Variants in TEX9 observed in about 807,000 individuals in gnomAD.
The protein encoded by TEX9 is testis-expressed protein 9.
A neutral mutation model predicts 59.6 loss-of-function variants in TEX9; 74 were observed. That is an observed-to-expected ratio of 1.24 (90% CI 1.03 to 1.51). TEX9 has a LOEUF of 1.51. Ranked by LOEUF, TEX9 falls within the 40% of genes most tolerant of loss-of-function variation. The pLI is 0.00. For missense variants in TEX9, 522 were observed against 447.8 expected, an observed-to-expected ratio of 1.17 and a Z score of -1.49; for synonymous variants, 186 against 152.2, an observed-to-expected ratio of 1.22 and a Z score of -1.64.
At chr15:56,395,913 A>C (rs1383221291) in intron 9 of TEX9, 1 of 152,140 alleles carries the variant, frequency 6.6e-6, no homozygotes, top group East Asian at 1.9e-4. Context: ...TTTCCCCTAC[A>C]GTGGGTTGTC....
chr15:56,432,309 T>A (rs2050617405), intron 12 of TEX9, among the ~76,000 whole-genome samples: 1 of 152,188 alleles, frequency 6.6e-6, no homozygotes, highest in South Asian at 2.1e-4. Context: ...AATCAACTTA[T>A]CCATTTAGGA....
chr15:56,321,206 A>G (rs1451224711), intron 1 of TEX9, among the ~76,000 whole-genome samples: 1 of 152,214 alleles, frequency 6.6e-6, no homozygotes, highest in African/African-American at 2.4e-5. Flanking sequence ...GGCCACAGTA[A>G]CTAAGCTGGA....
At chr15:56,265,005 T>A (rs1396523892) in intron 1 of TEX9, among the ~76,000 whole-genome samples, 1 of 152,200 alleles carries the variant, frequency 6.6e-6, no homozygotes, top group African/African-American at 2.4e-5. Context: ...GTTACTTGAT[T>A]ATAGTAAATC....
At chr15:56,333,754 A>G (rs1169274287) in intron 1 of TEX9, among the ~76,000 whole-genome samples, 7 of 152,196 alleles carry the variant, frequency 4.6e-5, no homozygotes, top group Admixed American at 3.9e-4. Flanking sequence ...TGCAGATGAT[A>G]TGATCTTATA....
intron 2 of TEX9, among the ~76,000 whole-genome samples, chr15:56,372,426 A>C (rs190156476): frequency 6.6e-6 from 1 of 152,258 alleles, no homozygotes; most frequent in Admixed American, 6.5e-5. Context: ...TGTCTCCTTC[A>C]CAAAACCTCA....
chr15:56,400,496 A>G (rs2048715619), intron 9 of TEX9, among the ~76,000 whole-genome samples: 1 of 152,228 alleles, frequency 6.6e-6, no homozygotes, highest in Non-Finnish European at 1.5e-5. Flanking sequence ...GAAAAGACCA[A>G]ATCTACATTT....
At chr15:56,249,887 T>C (rs2141290058) in intron 1 of TEX9, among the ~76,000 whole-genome samples, 1 of 151,342 alleles carries the variant, frequency 6.6e-6, no homozygotes, top group Non-Finnish European at 1.5e-5. Context: ...AGGGAGATAC[T>C]CTAACCTCAT....
At chr15:56,410,593 G>T (rs762962887) in intron 9 of TEX9, among the ~76,000 whole-genome samples, 81 of 151,996 alleles carry the variant, frequency 5.3e-4, no homozygotes, top group Admixed American at 6.6e-4. Context: ...TACTCATATA[G>T]AAAACTTTAC....
chr15:56,244,190 A>G (rs2043778913), exon 1 of TEX9: 1 of 152,314 alleles, frequency 6.6e-6, no homozygotes, highest in Non-Finnish European at 1.5e-5. Flanking sequence ...CTTCAAAGCA[A>G]GTAAAGAGAA....
intron 8 of TEX9, 53 bp downstream of exon 8, chr15:56,394,300 G>T: frequency 7.0e-7 from 1 of 1,420,318 alleles, no homozygotes; most frequent in Non-Finnish European, 9.6e-7. Context: ...TATTTTAGGA[G>T]CAATTTCAAT....
chr15:56,283,303 A>G (rs1567072701), intron 1 of TEX9, among the ~76,000 whole-genome samples: 1 of 152,256 alleles, frequency 6.6e-6, no homozygotes, highest in South Asian at 2.1e-4. Context: ...TCAATGAATG[A>G]TCCTCACTAA....
intron 4 of TEX9, among the ~76,000 whole-genome samples, chr15:56,385,543 G>A (rs1188934581): frequency 3.3e-5 from 5 of 152,062 alleles, no homozygotes; most frequent in African/African-American, 1.2e-4. Flanking sequence ...CAGTGTTAAA[G>A]TAACCCATTT....
At chr15:56,337,358 G>A (rs544198410) in intron 1 of TEX9, among the ~76,000 whole-genome samples, 19 of 152,196 alleles carry the variant, frequency 1.2e-4, no homozygotes, top group Admixed American at 1.1e-3. Context: ...GCATGTATTC[G>A]TCTGGCATCA....
At chr15:56,281,510 C>T (rs1179991058) in intron 1 of TEX9, among the ~76,000 whole-genome samples, 3 of 152,210 alleles carry the variant, frequency 2.0e-5, no homozygotes, top group African/African-American at 7.2e-5. Flanking sequence ...TTTTGATGAT[C>T]TGAGGTGGAA....
At chr15:56,376,305 CTT>C (rs1454226692) in intron 3 of TEX9, among the ~76,000 whole-genome samples, 2 of 152,016 alleles carry the variant, frequency 1.3e-5, no homozygotes, top group African/African-American at 4.8e-5. Flanking sequence ...CATATGATAA[CTT>C]TAGTTTTTTG....
intron 1 of TEX9, among the ~76,000 whole-genome samples, chr15:56,268,352 C>T (rs183373365): frequency 6.6e-6 from 1 of 152,278 alleles, no homozygotes; most frequent in African/African-American, 2.4e-5. Flanking sequence ...CCAAAACTTC[C>T]AACACTATGT....
intron 10 of TEX9, among the ~76,000 whole-genome samples, chr15:56,417,681 A>C (rs73413997): frequency 6.6e-6 from 1 of 151,710 alleles, no homozygotes; most frequent in African/African-American, 2.4e-5. Context: ...TTGGGTGCAG[A>C]GTTCTGTAAA....
chr15:56,416,586 T>G (rs1306596752), intron 10 of TEX9, among the ~76,000 whole-genome samples: 1 of 151,938 alleles, frequency 6.6e-6, no homozygotes, highest in Non-Finnish European at 1.5e-5. Context: ...ATAAGCTTTT[T>G]GATTTGCTCC....
In TEX9 at chr15:56,282,496, C is replaced by A. The variant is rs143378727; in HGVS notation, c.-107+38218C>A. On this transcript the variant is annotated intron_variant, in intron 1 of 5. Coordinates refer to the TEX9 transcript ENST00000560827. ...TTAATATTGCATAGGAAGTTCTGGTCAATGCAATAAAGGTGAACCAGAAAT... is the reference window on the plus strand; with the variant it reads ...TTAATATTGCATAGGAAGTTCTGGTAAATGCAATAAAGGTGAACCAGAAAT... Among the ~76,000 whole-genome samples the A allele has an allele frequency of 7.6e-4, 116 of 152,126 alleles. 1 individual carries two copies. The East Asian group carries it at 0.022, about 28-fold the overall frequency.
Sources: allele counts gnomAD v4.1 joint callset (sites outside exome capture counted in the v4.1 genomes callset), GRCh38; gene constraint gnomAD v4.1.1; transcripts MANE v1.5; gene names NCBI Gene and HGNC (gene_info 2026-07-23, HGNC 2026-07-21).